ZC3H13: variants seen among roughly 807,000 people sequenced by gnomAD.
The protein encoded by ZC3H13 is zinc finger CCCH domain-containing protein 13.
A neutral mutation model predicts 204.1 loss-of-function variants in ZC3H13; 64 were observed. That is an observed-to-expected ratio of 0.31 (90% CI 0.26 to 0.39). ZC3H13 has a LOEUF of 0.39. ZC3H13 is among the 10% of genes least tolerant of loss of function. ZC3H13 has a pLI of 1.00. For synonymous variants in ZC3H13, 667 were observed against 693.7 expected (o/e 0.96, Z 0.60); for missense variants, 1,833 against 2,082.7 (o/e 0.88, Z 2.33).
intron 5 of ZC3H13, among the ~76,000 whole-genome samples, chr13:46,016,729 GTATAC>G (rs1188781195): frequency 6.6e-6 from 1 of 152,140 alleles, no homozygotes; most frequent in Non-Finnish European, 1.5e-5. Context: ...TGAACGTATA[GTATAC>G]TTCAGTAGAA....
At chr13:46,029,427 CTTTTTTTTTT>C (rs964729202) in intron 4 of ZC3H13, among the ~76,000 whole-genome samples, 2 of 138,842 alleles carry the variant, frequency 1.4e-5, no homozygotes, top group Non-Finnish European at 3.1e-5. Context: ...TGGACTACTT[CTTTTTTTTTT>C]TTTTTTTTTG....
At chr13:45,997,757 T>C (rs1344651156) in intron 8 of ZC3H13, among the ~76,000 whole-genome samples, 2 of 151,844 alleles carry the variant, frequency 1.3e-5, no homozygotes, top group African/African-American at 4.8e-5. Context: ...GGTAACTCAA[T>C]AGAGAGCCAT....
At chr13:46,014,592 C>T (rs79000379) in intron 5 of ZC3H13, among the ~76,000 whole-genome samples, 8 of 152,108 alleles carry the variant, frequency 5.3e-5, no homozygotes, top group East Asian at 1.9e-4. Context: ...CTGTCTGAGA[C>T]GTTTTCTAAA....
intron 11 of ZC3H13, among the ~76,000 whole-genome samples, chr13:45,977,798 T>C (rs114032443): frequency 0.011 from 1,705 of 152,250 alleles, 34 homozygotes; most frequent in African/African-American, 0.039. Flanking sequence ...AATATGTTTT[T>C]GATGAAAATT....
At chr13:46,023,117 A>G (rs1258819246) in intron 4 of ZC3H13, among the ~76,000 whole-genome samples, 1 of 152,172 alleles carries the variant, frequency 6.6e-6, no homozygotes, top group Non-Finnish European at 1.5e-5. Flanking sequence ...GTTGAGAACC[A>G]TTATTAGTAA....
In ZC3H13 at chr13:45,975,832, C is replaced by G; in HGVS notation, c.1919G>C (p.Arg640Thr). ...CTGATGTCGAATTGGTGAGCTTGGT[C>G]TTTGATCTACAATGAAAATCAAGTT... ...DRRDNRERDQ[R>T]PSSPIRHQGR... Residue 640 changes from arginine to threonine, a missense_variant, in exon 12 of 19, where the codon AGA (arginine) becomes ACA (threonine). By Grantham distance (71) the Arg-to-Thr change is moderately conservative (BLOSUM62 -1). Around this residue, in one of 5 missense-constraint regions of ZC3H13, gnomAD observed 1,574 missense variants for 1,757.2 expected, o/e 0.90. Transcript: ENST00000679008. The G allele has an allele frequency of 6.2e-7, 1 of 1,608,356 alleles. No homozygotes were observed. Among genetic ancestry groups the G allele is most frequent in the Non-Finnish European group, 8.5e-7 (1 of 1,175,710 alleles).
At chr13:46,035,426 A>G (rs993460422) in intron 4 of ZC3H13, among the ~76,000 whole-genome samples, 4 of 152,244 alleles carry the variant, frequency 2.6e-5, no homozygotes, top group African/African-American at 9.6e-5. Flanking sequence ...CAAAGAATAC[A>G]TCTGCAGATC....
Position 45,956,972 on chromosome 13 carries a change from A to T in ZC3H13, c.*155T>A. The T allele has an allele frequency of 1.6e-6, 1 of 618,072 alleles. No individual in the cohort carries two copies. The highest frequency in any genetic ancestry group is 2.4e-6 in the Non-Finnish European group (1 of 423,178). 38.3% of individuals were successfully genotyped at this position (618,072 alleles called of 1,614,324 possible). A position where few individuals can be genotyped will look rare whatever the true frequency, so the allele number is the denominator to read the frequency against. Reference sequence around the variant, plus strand: ...GTAAAATCTTAAGTTGGCCAAAACTAGTGTCTCTAAAGATCAAAATTCTTC... The same window carrying T: ...GTAAAATCTTAAGTTGGCCAAAACTTGTGTCTCTAAAGATCAAAATTCTTC... On this transcript the variant is annotated 3_prime_UTR_variant, in exon 19 of 19. Transcript: ENST00000679008.
chr13:45,966,544 T>C (rs1207723971), intron 15 of ZC3H13, among the ~76,000 whole-genome samples: 1 of 152,144 alleles, frequency 6.6e-6, no homozygotes, highest in East Asian at 1.9e-4. Flanking sequence ...CTATTCTATA[T>C]TATCTGTGAT....
In ZC3H13 at chr13:45,963,950, T is replaced by C. The variant is rs1951877760; in HGVS notation, c.4567A>G (p.Thr1523Ala). The change falls in exon 17 of 19, where the codon ACA (threonine) becomes GCA (alanine). Residue 1523 changes from threonine to alanine, a missense_variant. By Grantham distance (58) the Thr-to-Ala change is moderately conservative. Transcript: ENST00000679008. The stretch of plus-strand genomic sequence containing the variant: ...ACTCTTAGCATAACAGCTCCAGGTG[T>C]GAATTTTAAGAGTGCAGCCCCAGGC... ...REPGAALLKF[T>A]PGAVMLRVGI... 1 of 1,614,044 alleles carries C rather than the reference T, an allele frequency of 6.2e-7. No individual in the cohort carries two copies. Among genetic ancestry groups the C allele is most frequent in the South Asian group, 1.1e-5 (1 of 91,090 alleles).
chr13:46,015,967 G>A (rs781403409), intron 5 of ZC3H13, among the ~76,000 whole-genome samples: 2 of 151,592 alleles, frequency 1.3e-5, no homozygotes, highest in Non-Finnish European at 2.9e-5. Flanking sequence ...ATAGCAGAAC[G>A]GCAGACATTT....
intron 4 of ZC3H13, among the ~76,000 whole-genome samples, chr13:46,036,142 C>T (rs1455860444): frequency 3.0e-5 from 3 of 101,316 alleles, no homozygotes; most frequent in Admixed American, 1.1e-4. Context: ...AGCAAGACTC[C>T]GTGTCAAGAA....
intron 1 of ZC3H13, among the ~76,000 whole-genome samples, chr13:46,048,580 CAAAAAA>C (rs56753264): frequency 7.8e-5 from 3 of 38,660 alleles, no homozygotes; most frequent in African/African-American, 2.3e-4. Flanking sequence ...GACTCCGCCT[CAAAAAA>C]AAAAAAAAAA....
intron 1 of ZC3H13, chr13:46,051,996 G>GGAAAAAA (rs71184436): frequency 8.3e-5 from 10 of 120,084 alleles, no homozygotes; most frequent in South Asian, 2.7e-4. Context: ...ACTGCTGAGG[G>GGAAAAAA]AAAAAAAAAA....
chr13:45,962,638 A>C, intron 17 of ZC3H13: 1 of 982,608 alleles, frequency 1.0e-6, no homozygotes, highest in South Asian at 4.7e-5. Flanking sequence ...GCTATATTAA[A>C]ATAAAAAAAT....
At chr13:46,033,570 T>A (rs2043030567) in intron 4 of ZC3H13, among the ~76,000 whole-genome samples, 1 of 152,156 alleles carries the variant, frequency 6.6e-6, no homozygotes. Context: ...TTTGAATTCA[T>A]GTTTGTCTGT....
intron 7 of ZC3H13, among the ~76,000 whole-genome samples, chr13:46,008,927 A>T (rs1252476740): frequency 6.6e-6 from 1 of 152,176 alleles, no homozygotes; most frequent in Admixed American, 6.5e-5. Flanking sequence ...TAAGTGCCTT[A>T]TTACAATGCA....
intron 7 of ZC3H13, among the ~76,000 whole-genome samples, chr13:46,006,563 T>G (rs1375938785): frequency 6.6e-6 from 1 of 150,730 alleles, no homozygotes; most frequent in Non-Finnish European, 1.5e-5. Context: ...GGTTTGCAAG[T>G]AACCCTTTTC....
chr13:45,989,977 A>AT (rs369854024), intron 8 of ZC3H13, among the ~76,000 whole-genome samples: 8 of 152,224 alleles, frequency 5.3e-5, no homozygotes, highest in African/African-American at 1.2e-4. Context: ...AAAAATTCTG[A>AT]TTTTTTAAGT....
Sources: allele counts gnomAD v4.1 joint callset (sites outside exome capture counted in the v4.1 genomes callset), GRCh38; gene constraint gnomAD v4.1.1; regional missense constraint gnomAD v4.1.1; transcripts MANE v1.5; gene names NCBI Gene and HGNC (gene_info 2026-07-23, HGNC 2026-07-21).